The following ERBB4 variants were observed in gnomAD, a reference collection of about 807,000 sequenced individuals.
The protein encoded by ERBB4 is receptor tyrosine-protein kinase erbB-4.
In ERBB4, 42 loss-of-function variants were observed where a neutral mutation model predicts 158.0. The ratio of observed to expected loss-of-function variants is 0.27; its 90% CI spans 0.21 to 0.34. The LOEUF is 0.34. Ranked by LOEUF, ERBB4 falls within the 10% of genes least tolerant of loss-of-function variation. The pLI, the probability that ERBB4 is intolerant of heterozygous loss-of-function variation, is 1.00. For missense variants in ERBB4, 1,333 were observed against 1,624.1 expected (o/e 0.82, Z 3.08); for synonymous variants, 583 against 558.7 (o/e 1.04, Z -0.61).
At chr2:211,781,242 A>G (rs539682910) in intron 4 of ERBB4, among the ~76,000 whole-genome samples, 2 of 152,210 alleles carry the variant, frequency 1.3e-5, no homozygotes, top group Non-Finnish European at 2.9e-5. Flanking sequence ...ATTAATTAGG[A>G]GTGGGTCATT....
intron 1 of ERBB4, among the ~76,000 whole-genome samples, chr2:212,188,189 T>C (rs932845156): frequency 6.3e-4 from 8 of 12,710 alleles, no homozygotes; most frequent in East Asian, 5.6e-3. Flanking sequence ...TTCAGGTCTC[T>C]CTCTCTCTCT....
intron 19 of ERBB4, among the ~76,000 whole-genome samples, chr2:211,597,772 C>T (rs2125806539): frequency 6.6e-6 from 1 of 152,134 alleles, no homozygotes; most frequent in African/African-American, 2.4e-5. Flanking sequence ...TTAACCTTCA[C>T]ATGATAGTAA....
At chr2:212,535,681 T>C (rs1306733930) in intron 1 of ERBB4, among the ~76,000 whole-genome samples, 1 of 152,234 alleles carries the variant, frequency 6.6e-6, no homozygotes, top group Non-Finnish European at 1.5e-5. Context: ...AATTGCCATA[T>C]AAAGGGACTT....
intron 20 of ERBB4, among the ~76,000 whole-genome samples, chr2:211,438,799 G>T (rs2063910537): frequency 6.6e-6 from 1 of 152,046 alleles, no homozygotes; most frequent in Non-Finnish European, 1.5e-5. Flanking sequence ...AACACTCATG[G>T]TTAATTCTCA....
chr2:212,263,416 T>C (rs1032759168), intron 1 of ERBB4, among the ~76,000 whole-genome samples: 1 of 152,138 alleles, frequency 6.6e-6, no homozygotes, highest in Non-Finnish European at 1.5e-5. Flanking sequence ...TGTCTTTTTA[T>C]ATGCGTGCCT....
At chr2:212,294,777 C>T (rs1424236277) in intron 1 of ERBB4, among the ~76,000 whole-genome samples, 1 of 151,924 alleles carries the variant, frequency 6.6e-6, no homozygotes, top group African/African-American at 2.4e-5. Context: ...AATTTTAAAA[C>T]ACCTTATATA....
chr2:212,058,779 T>C (rs1438472269), intron 2 of ERBB4, among the ~76,000 whole-genome samples: 4 of 152,316 alleles, frequency 2.6e-5, no homozygotes, highest in South Asian at 2.1e-4. Flanking sequence ...TAGGTATTGA[T>C]GGGACGTATC....
chr2:212,157,182 C>T (rs1179509773), intron 1 of ERBB4, among the ~76,000 whole-genome samples: 2 of 152,030 alleles, frequency 1.3e-5, no homozygotes, highest in East Asian at 3.9e-4. Flanking sequence ...TTCACATATA[C>T]TGACGTTTTC....
At chr2:211,833,443 G>A (rs1056546632) in intron 3 of ERBB4, among the ~76,000 whole-genome samples, 1 of 151,944 alleles carries the variant, frequency 6.6e-6, no homozygotes, top group Non-Finnish European at 1.5e-5. Context: ...AGTTCACTTT[G>A]TAAATATAAG....
intron 2 of ERBB4, among the ~76,000 whole-genome samples, chr2:212,089,063 T>C (rs2078697117): frequency 6.6e-6 from 1 of 152,136 alleles, no homozygotes; most frequent in Non-Finnish European, 1.5e-5. Context: ...ACTACTGATC[T>C]GCATGTATAT....
intron 7 of ERBB4, among the ~76,000 whole-genome samples, chr2:211,717,035 C>T (rs1016695169): frequency 8.5e-5 from 13 of 152,322 alleles, no homozygotes; most frequent in Non-Finnish European, 1.8e-4. Flanking sequence ...GGGGAATTCT[C>T]TAATTCAAAT....
At chr2:211,940,350 A>G (rs140013051) in intron 3 of ERBB4, among the ~76,000 whole-genome samples, 5,105 of 152,218 alleles carry the variant, frequency 0.034, 120 homozygotes, top group Middle Eastern at 0.088. Flanking sequence ...CTTTTTCTAA[A>G]CACCAAAGCA....
At chr2:212,207,404 T>C (rs968169842) in intron 1 of ERBB4, among the ~76,000 whole-genome samples, 7 of 152,170 alleles carry the variant, frequency 4.6e-5, no homozygotes, top group African/African-American at 1.7e-4. Flanking sequence ...TTGCAAGCAA[T>C]AGCATCTGTT....
chr2:211,753,854 A>ATTT (rs1047804300), intron 4 of ERBB4, among the ~76,000 whole-genome samples: 1,528 of 121,256 alleles, frequency 0.013, 63 homozygotes, highest in African/African-American at 0.036. Context: ...AAAAGTCCTG[A>ATTT]TTTTTTTTTT....
At chr2:212,252,923 T>C (rs138224291) in intron 1 of ERBB4, among the ~76,000 whole-genome samples, 60 of 152,148 alleles carry the variant, frequency 3.9e-4, no homozygotes, top group African/African-American at 1.4e-3. Flanking sequence ...CTCAGACACA[T>C]AATCAAAAGA....
chr2:211,876,834 TG>T (rs1187698942), intron 3 of ERBB4, among the ~76,000 whole-genome samples: 10 of 152,284 alleles, frequency 6.6e-5, no homozygotes, highest in East Asian at 1.9e-4. Context: ...GTTTTTAAAA[TG>T]TTTTTTTATC....
At position 211,599,536 on chromosome 2, in the gene ERBB4, T is replaced by TGTGTGTGTGTGTGTGTGTGTG. The variant is rs1559336933; in HGVS notation, c.2301+19640_2301+19641insCACACACACACACACACACAC. On this transcript the variant is annotated intron_variant, in intron 19 of 27. Transcript: ENST00000342788. ...TTCTGTGTGTGTGTGTGTGTGTGTG[T>TGTGTGTGTGTGTGTGTGTGTG]TTCCTGTCAAGTTAGACAGACTCAG... Among the ~76,000 whole-genome samples the TGTGTGTGTGTGTGTGTGTGTG allele has an allele frequency of 4.1e-4, 61 of 150,478 alleles. 1 individual carries two copies. Among genetic ancestry groups the TGTGTGTGTGTGTGTGTGTGTG allele is most frequent in the Non-Finnish European group, 6.8e-4 (46 of 67,598 alleles).
At chr2:212,286,594 C>CTTGTTTTTTTTTTTGTTT (rs760466245) in intron 1 of ERBB4, among the ~76,000 whole-genome samples, 1 of 55,540 alleles carries the variant, frequency 1.8e-5, no homozygotes, top group African/African-American at 5.8e-5. Context: ...TAAGTGCTGA[C>CTTGTTTTTTTTTTTGTTT]TTTTTTTTTT....
At chr2:212,060,869 T>C (rs966741421) in intron 2 of ERBB4, among the ~76,000 whole-genome samples, 21 of 149,340 alleles carry the variant, frequency 1.4e-4, no homozygotes, top group African/African-American at 5.2e-4. Flanking sequence ...AAATGAGGAG[T>C]TAAAGAGTGC....
Sources: gnomAD v4.1 joint callset for allele counts (sites outside exome capture counted in the v4.1 genomes callset) on GRCh38, gnomAD v4.1.1 for gene constraint, MANE v1.5 for transcripts, NCBI Gene and HGNC (gene_info 2026-07-23, HGNC 2026-07-21) for gene names.